The following GMNN variants were observed in gnomAD, a reference collection of about 807,000 sequenced individuals.
GMNN encodes geminin.
Under a neutral mutation model 20.9 loss-of-function variants are expected in GMNN, and 14 were observed. The observed-to-expected ratio is 0.67, with a 90% CI of 0.44 to 1.05. The LOEUF is 1.05. Ranked by LOEUF, GMNN falls within the 50% of genes least tolerant of loss-of-function variation. The pLI is 0.00. For missense variants in GMNN, 227 were observed against 243.8 expected (o/e 0.93, Z 0.46); for synonymous variants, 81 against 85.8 (o/e 0.94, Z 0.31).
At chr6:24,784,971 GTTTTAA>G (rs888347471) in intron 6 of GMNN, among the ~76,000 whole-genome samples, 2 of 152,104 alleles carry the variant, frequency 1.3e-5, no homozygotes, top group Non-Finnish European at 2.9e-5. Flanking sequence ...ATTTTAGATA[GTTTTAA>G]TTTTAATACC....
At chr6:24,784,196 T>G (rs766741408) in intron 5 of GMNN, 27 bp downstream of exon 5, 1 of 1,136,006 alleles carries the variant, frequency 8.8e-7, no homozygotes, top group East Asian at 2.3e-5. Context: ...ATTTGTACCA[T>G]TTTTAAAAAT....
rs943602295 is a variant in GMNN at position 24,784,097 on chromosome 6, C to T, written c.285C>T (p.Ser95=). The change falls in exon 5 of 7, where the codon TCC becomes TCT. Residue 95 remains serine (S), a synonymous_variant. Coordinates refer to ENST00000230056, the MANE Select transcript of GMNN (RefSeq NM_015895.5). ...SFDLMIKENP[S]SQYWKEVAEK... ...AAAATATTATTTTAGAAAATCCATC[C>T]TCTCAGTATTGGAAGGAAGTGGCAG... 1 of 1,404,522 alleles carries T rather than the reference C, an allele frequency of 7.1e-7. No homozygotes were observed. Among genetic ancestry groups the T allele is most frequent in the Non-Finnish European group, 1.0e-6 (1 of 999,548 alleles). The allele number at this position is 1,404,522 out of a possible 1,614,324, so 87.0% of individuals were successfully genotyped here.
intron 4 of GMNN, among the ~76,000 whole-genome samples, chr6:24,782,835 T>C (rs1283895656): frequency 6.6e-6 from 1 of 152,148 alleles, no homozygotes; most frequent in African/African-American, 2.4e-5. Flanking sequence ...TTTATTACAT[T>C]TGTTGTTTGA....
Position 24,786,044 on chromosome 6 carries a change from T to G in GMNN, c.*245T>G, listed in dbSNP as rs1780346734. ...TATTACTAAATAAACTTCAAACTCC[T>G]GTTGAACATTGTGTATAACTTAGAA... On this transcript the variant is annotated 3_prime_UTR_variant, in exon 7 of 7. Coordinates refer to ENST00000230056, the MANE Select transcript of GMNN (RefSeq NM_015895.5). 1 of 367,414 alleles carries G rather than the reference T, an allele frequency of 2.7e-6. No homozygotes were observed. The highest frequency in any genetic ancestry group is 5.1e-5 in the Admixed American group (1 of 19,778). 22.8% of individuals were successfully genotyped at this position (367,414 alleles called of 1,614,324 possible).
intron 2 of GMNN, among the ~76,000 whole-genome samples, 158 bp from the exon 3 acceptor site, chr6:24,780,505 C>T (rs45603635): frequency 2.1e-3 from 315 of 152,302 alleles, no homozygotes; most frequent in Non-Finnish European, 3.9e-3. Flanking sequence ...GGCGACCTTA[C>T]GCAATTATAT....
chr6:24,778,615 C>G (rs949665465), intron 2 of GMNN, among the ~76,000 whole-genome samples: 10 of 150,518 alleles, frequency 6.6e-5, no homozygotes, highest in Admixed American at 2.6e-4. Flanking sequence ...TCTTAGGATT[C>G]TTACAATATT....
At position 24,780,709 on chromosome 6, in the gene GMNN, C is replaced by T. The variant is rs1446958353; in HGVS notation, c.98C>T (p.Ala33Val). The change falls in exon 3 of 7, where the codon GCA (alanine) becomes GTA (valine). Residue 33 changes from alanine (A) to valine (V), a missense_variant. By Grantham distance (64) the Ala-to-Val change is moderately conservative (BLOSUM62 0). Coordinates refer to ENST00000230056, the MANE Select transcript of GMNN (RefSeq NM_015895.5). ...RRTLKMIQPS[A>V]SGSLVGRENE... ...ACTCTGAAGATGATTCAGCCTTCTG[C>T]ATCTGGATCTCTTGTTGGAAGAGAA... 6.3e-7 allele frequency: 1 copy of T among 1,594,584 alleles called. No individual in the cohort carries two copies.
At chr6:24,777,179 T>C in intron 1 of GMNN, 43 bp from the exon 2 acceptor site, 1 of 636,020 alleles carries the variant, frequency 1.6e-6, no homozygotes, top group African/African-American at 1.9e-5. Flanking sequence ...AAACCTAGAC[T>C]CCACCTTCGG....
chr6:24,782,084 C>T (rs1425101460), intron 4 of GMNN, among the ~76,000 whole-genome samples: 1 of 150,774 alleles, frequency 6.6e-6, no homozygotes, highest in Non-Finnish European at 1.5e-5. Context: ...GACCCGGTCT[C>T]TGAAGGAAAA....
chr6:24,777,035 A>G (rs1581425022), intron 1 of GMNN, 187 bp from the exon 2 acceptor site: 3 of 359,466 alleles, frequency 8.3e-6, no homozygotes, highest in East Asian at 8.3e-5. Context: ...ATGTGTGTAT[A>G]TATGTAAAAT....
At chr6:24,779,900 G>T (rs1562191884) in intron 2 of GMNN, among the ~76,000 whole-genome samples, 1 of 152,196 alleles carries the variant, frequency 6.6e-6, no homozygotes, top group Non-Finnish European at 1.5e-5. Context: ...ACCTTCTAAT[G>T]AATGGGCTTG....
intron 1 of GMNN, among the ~76,000 whole-genome samples, chr6:24,776,586 C>A (rs986363642): frequency 1.3e-5 from 2 of 152,252 alleles, no homozygotes; most frequent in Non-Finnish European, 2.9e-5. Flanking sequence ...GGCGCAGACA[C>A]GGCAGGGGCC....
chr6:24,783,459 G>A (rs1233723655), intron 4 of GMNN, among the ~76,000 whole-genome samples: 1 of 152,010 alleles, frequency 6.6e-6, no homozygotes, highest in African/African-American at 2.4e-5. Flanking sequence ...ATTAAACTTA[G>A]GTAAAAAGTT....
rs1269142758 is a variant in GMNN, at chr6:24,785,333, AT to A, written c.469-303del. ...CCTTAAAAGAATTAGTCCACAGCTG[AT>A]TGGAAATGTAGAACACCTACTTGTC... On this transcript the variant is annotated intron_variant, in intron 6 of 6. Transcript: ENST00000230056. Among the ~76,000 whole-genome samples, 3 of 152,222 alleles carry A rather than the reference AT, an allele frequency of 2.0e-5. No individual in the cohort carries two copies. In the East Asian group the frequency reaches 5.8e-4, roughly 29 times the overall value.
At chr6:24,782,809 C>A (rs749885084) in intron 4 of GMNN, among the ~76,000 whole-genome samples, 2 of 150,896 alleles carry the variant, frequency 1.3e-5, no homozygotes, top group African/African-American at 2.4e-5. Context: ...AAAATAACTG[C>A]GAAGAAATCC....
chr6:24,777,871 A>G (rs1362664504), intron 2 of GMNN: 2 of 152,208 alleles, frequency 1.3e-5, no homozygotes, highest in Non-Finnish European at 1.5e-5. Context: ...CATTGTGTAT[A>G]TCTTCAGAAT....
chr6:24,783,666 T>C (rs1234406737), intron 4 of GMNN, among the ~76,000 whole-genome samples: 5 of 152,144 alleles, frequency 3.3e-5, no homozygotes, highest in African/African-American at 7.2e-5. Context: ...TACATACTTA[T>C]ATAGTATTCT....
intron 2 of GMNN, 145 bp downstream of exon 2, chr6:24,777,442 T>A (rs1780102891): frequency 2.4e-6 from 1 of 417,672 alleles, no homozygotes. Flanking sequence ...AGAACATTTT[T>A]AAAAAACTAA....
chr6:24,781,321 T>C (rs1250323485), intron 3 of GMNN, among the ~76,000 whole-genome samples, 156 bp from the exon 4 acceptor site: 1 of 152,172 alleles, frequency 6.6e-6, no homozygotes, highest in Non-Finnish European at 1.5e-5. Context: ...TACTATATGT[T>C]TTGGTAGAAT....
Sources: allele counts gnomAD v4.1 joint callset (sites outside exome capture counted in the v4.1 genomes callset), GRCh38; gene constraint gnomAD v4.1.1; transcripts MANE v1.5; gene names NCBI Gene and HGNC (gene_info 2026-07-23, HGNC 2026-07-21).